Variants in KCNG2 observed in about 807,000 individuals in gnomAD.
KCNG2 encodes voltage-gated potassium channel regulatory subunit KCNG2.
In KCNG2, 7 loss-of-function variants were observed where a neutral mutation model predicts 12.3. The ratio of observed to expected loss-of-function variants is 0.57; its 90% CI spans 0.32 to 1.07. The LOEUF is 1.07. KCNG2 is among the 50% of genes least tolerant of loss of function. The pLI is 0.04. For missense variants in KCNG2, 703 were observed against 726.0 expected (o/e 0.97, Z 0.36); for synonymous variants, 414 against 351.4 (o/e 1.18, Z -1.99).
chr18:79,807,326 C>A (rs889814696), intron 1 of KCNG2, among the ~76,000 whole-genome samples: 2 of 152,160 alleles, frequency 1.3e-5, no homozygotes, highest in Non-Finnish European at 2.9e-5. Context: ...GCAAACCTCA[C>A]GCCCTCCTCA....
At chr18:79,839,032 C>T (rs1258248383) in intron 1 of KCNG2, among the ~76,000 whole-genome samples, 3 of 152,204 alleles carry the variant, frequency 2.0e-5, no homozygotes, top group Non-Finnish European at 4.4e-5. Flanking sequence ...TGCAGTGGCT[C>T]ACACCTGTAA....
chr18:79,872,575 C>T (rs1035423512), intron 3 of KCNG2, among the ~76,000 whole-genome samples: 7 of 152,134 alleles, frequency 4.6e-5, no homozygotes, highest in Admixed American at 2.0e-4. Flanking sequence ...GGAGGCACCG[C>T]GCCCGGCCAA....
chr18:79,798,341 T>G (rs2087380022), intron 1 of KCNG2, among the ~76,000 whole-genome samples: 1 of 151,516 alleles, frequency 6.6e-6, no homozygotes, highest in Non-Finnish European at 1.5e-5. Context: ...TGGATGGAGG[T>G]CTCGGCCGCG....
At chr18:79,846,139 G>A (rs1278388658) in intron 1 of KCNG2, among the ~76,000 whole-genome samples, 11 of 151,842 alleles carry the variant, frequency 7.2e-5, no homozygotes, top group Admixed American at 5.3e-4. Context: ...TTGGGAGGCC[G>A]AGGCAGGTGG....
chr18:79,891,358 G>A (rs1274518043), intron 3 of KCNG2, among the ~76,000 whole-genome samples: 2 of 151,972 alleles, frequency 1.3e-5, no homozygotes, highest in Admixed American at 1.3e-4. Context: ...AGCCCCCCAA[G>A]TAGCTGGGAC....
At chr18:79,889,621 G>A (rs572834695) in intron 3 of KCNG2, among the ~76,000 whole-genome samples, 1 of 152,306 alleles carries the variant, frequency 6.6e-6, no homozygotes, top group South Asian at 2.1e-4. Flanking sequence ...TAGTTTGAAT[G>A]GACGTTTTTA....
At chr18:79,852,177 T>G (rs1978847341) in intron 1 of KCNG2, among the ~76,000 whole-genome samples, 1 of 152,144 alleles carries the variant, frequency 6.6e-6, no homozygotes, top group African/African-American at 2.4e-5. Context: ...GAGTGACACT[T>G]CACTACCGCC....
At chr18:79,818,328 G>A (rs889016433) in intron 1 of KCNG2, among the ~76,000 whole-genome samples, 2 of 152,238 alleles carry the variant, frequency 1.3e-5, no homozygotes, top group Admixed American at 6.5e-5. Context: ...CAAGAGGGGC[G>A]TGGAGGCTGG....
At chr18:79,835,069 G>T (rs1467869967) in intron 1 of KCNG2, among the ~76,000 whole-genome samples, 1 of 152,186 alleles carries the variant, frequency 6.6e-6, no homozygotes, top group East Asian at 1.9e-4. Context: ...GAGAGATGTG[G>T]GGAGTAGGAA....
At chr18:79,858,689 T>C (rs11665573) in intron 2 of KCNG2, among the ~76,000 whole-genome samples, 53,835 of 152,028 alleles carry the variant, frequency 0.35, 11,307 homozygotes, top group Non-Finnish European at 0.45. Flanking sequence ...CCACCAGCAA[T>C]GTACAGGGGT....
chr18:79,887,749 AG>A (rs1344838709), intron 3 of KCNG2, among the ~76,000 whole-genome samples: 4 of 152,148 alleles, frequency 2.6e-5, no homozygotes, highest in African/African-American at 9.7e-5. Context: ...GGGGCTCTGC[AG>A]GGGCTCCCTC....
intron 1 of KCNG2, among the ~76,000 whole-genome samples, chr18:79,846,278 C>T (rs1978623638): frequency 6.8e-6 from 1 of 147,252 alleles, no homozygotes; most frequent in Non-Finnish European, 1.5e-5. Flanking sequence ...GAGGCTGAGG[C>T]AGGAGAATGG....
At chr18:79,860,262 T>C (rs1172963961) in intron 2 of KCNG2, among the ~76,000 whole-genome samples, 2 of 152,210 alleles carry the variant, frequency 1.3e-5, no homozygotes. Context: ...GCATTTCCAA[T>C]AGAATTTTCA....
intron 3 of KCNG2, among the ~76,000 whole-genome samples, chr18:79,892,713 C>T (rs1980788143): frequency 6.8e-6 from 1 of 148,108 alleles, no homozygotes; most frequent in South Asian, 2.2e-4. Flanking sequence ...CCATTGATAA[C>T]GATTTGATAT....
intron 1 of KCNG2, among the ~76,000 whole-genome samples, chr18:79,830,167 T>G (rs1191206366): frequency 6.6e-6 from 1 of 152,144 alleles, no homozygotes; most frequent in East Asian, 1.9e-4. Context: ...AGGTGTGTGG[T>G]TGTGGACCTG....
At chr18:79,882,694 G>C (rs1366599921) in intron 3 of KCNG2, among the ~76,000 whole-genome samples, 3 of 152,252 alleles carry the variant, frequency 2.0e-5, no homozygotes, top group Admixed American at 1.3e-4. Flanking sequence ...TGCGCGGCCG[G>C]CAAGGCTCAG....
chr18:79,805,695 C>T (rs572082811), intron 1 of KCNG2, among the ~76,000 whole-genome samples: 9 of 152,322 alleles, frequency 5.9e-5, no homozygotes, highest in African/African-American at 2.2e-4. Flanking sequence ...ACCTGACGGC[C>T]TCATCCACCA....
intron 3 of KCNG2, among the ~76,000 whole-genome samples, chr18:79,876,833 T>C (rs1411433634): frequency 2.0e-5 from 3 of 152,218 alleles, no homozygotes; most frequent in African/African-American, 7.2e-5. Flanking sequence ...CAGAACACCA[T>C]GCTCAGAGGA....
chr18:79,889,518 C>T (rs1980672756), intron 3 of KCNG2, among the ~76,000 whole-genome samples: 1 of 152,186 alleles, frequency 6.6e-6, no homozygotes, highest in Non-Finnish European at 1.5e-5. Flanking sequence ...CCTTTTGATG[C>T]TGTTGTGAAG....
Sources: gnomAD v4.1 joint callset for allele counts (sites outside exome capture counted in the v4.1 genomes callset) on GRCh38, gnomAD v4.1.1 for gene constraint, MANE v1.5 for transcripts, NCBI Gene and HGNC (gene_info 2026-07-23, HGNC 2026-07-21) for gene names.